Variants in ANKRD30A observed in about 807,000 individuals in gnomAD.
ANKRD30A encodes the protein ankyrin repeat domain 30A, also known as ankyrin repeat domain-containing protein 30A.
In ANKRD30A, 170 loss-of-function variants were observed where a neutral mutation model predicts 166.3. The observed-to-expected ratio is 1.02, with a 90% CI of 0.90 to 1.16. The LOEUF (loss-of-function observed/expected upper bound fraction) is 1.16. ANKRD30A is among the 50% of genes most tolerant of loss of function. ANKRD30A has a pLI of 0.00. For synonymous variants in ANKRD30A, 564 were observed against 508.9 expected (o/e 1.11, Z -1.46); for missense variants, 1,630 against 1,518.0 (o/e 1.07, Z -1.23).
At chr10:37,127,280 G>C (rs1448877994) in intron 1 of ANKRD30A, among the ~76,000 whole-genome samples, 3 of 151,818 alleles carry the variant, frequency 2.0e-5, no homozygotes, top group Non-Finnish European at 2.9e-5. Flanking sequence ...CACAAAATAA[G>C]TTCCTGATGG....
At chr10:37,202,130 G>A (rs182947419) in intron 31 of ANKRD30A, among the ~76,000 whole-genome samples, 39 of 152,136 alleles carry the variant, frequency 2.6e-4, no homozygotes, top group African/African-American at 7.2e-4. Context: ...TAGAAGGTCA[G>A]GACAGAAAAG....
rs869026268 is a variant in ANKRD30A at position 37,142,570 on chromosome 10, C to CTTTTT, written c.1393+306_1393+310dup. ...GGTACAGGGATATCATAGGATCACA[C>CTTTTT]TTTTTTTTTTTTTTTTTTTTTTTTT... On this transcript the variant is annotated intron_variant, in intron 7 of 35. Coordinates refer to ENST00000361713, the MANE Select transcript of ANKRD30A (RefSeq NM_052997.3). Among the ~76,000 whole-genome samples the CTTTTT allele has an allele frequency of 3.4e-4, 27 of 78,970 alleles. 3 individuals carry two copies. The highest frequency in any genetic ancestry group is 7.9e-4 in the Admixed American group (5 of 6,294). 51.8% of individuals were successfully genotyped at this position (78,970 alleles called of 152,430 possible).
intron 9 of ANKRD30A, among the ~76,000 whole-genome samples, chr10:37,147,902 T>C (rs371825928): frequency 9.3e-3 from 1,018 of 109,464 alleles, no homozygotes; most frequent in South Asian, 0.013. Context: ...GTCCGAAAAT[T>C]ATAGCTAAAG....
downstream of ANKRD30A, chr10:37,232,675 T>C (rs1386103321): frequency 1.4e-4 from 1 of 7,154 alleles, no homozygotes; most frequent in Non-Finnish European, 8.3e-4. Context: ...TATATATATA[T>C]ATATATATAT....
At chr10:37,220,911 A>C (rs934431786) in intron 34 of ANKRD30A, among the ~76,000 whole-genome samples, 1 of 151,244 alleles carries the variant, frequency 6.6e-6, no homozygotes, top group African/African-American at 2.4e-5. Flanking sequence ...TTATTCTGAG[A>C]TAGAAATCTA....
At position 37,125,670 on chromosome 10, in the gene ANKRD30A, G is replaced by T; in HGVS notation, c.-118G>T. ...GCTTGGCGAACACAGAACTTTTTAC[G>T]GGTATCGAGGCGGTGCGTGGACTGA... is the stretch of plus-strand genomic sequence containing the variant. On this transcript the variant is annotated 5_prime_UTR_variant, in exon 1 of 36. Transcript: ENST00000361713. The T allele has an allele frequency of 2.3e-6, 1 of 435,928 alleles. No individual in the cohort carries two copies. Among genetic ancestry groups the T allele is most frequent in the Non-Finnish European group, 4.3e-6 (1 of 235,146 alleles). The allele number at this position is 435,928 out of a possible 1,614,324, so 27.0% of individuals were successfully genotyped here.
the ANKRD30A span, among the ~76,000 whole-genome samples, chr10:37,258,358 C>T: frequency 5.2e-4 from 79 of 151,972 alleles, no homozygotes; most frequent in Non-Finnish European, 7.6e-4. Flanking sequence ...AAGAACAGAG[C>T]TCAAGAATGT....
chr10:37,216,041 T>C, intron 31 of ANKRD30A, 140 bp from the exon 32 acceptor site: 1 of 443,894 alleles, frequency 2.3e-6, no homozygotes, highest in South Asian at 6.8e-5. Context: ...CTGTTTAATC[T>C]GCAGAGCTTA....
intron 25 of ANKRD30A, among the ~76,000 whole-genome samples, chr10:37,191,165 CT>C (rs71531278): frequency 0.041 from 6,200 of 151,724 alleles, 212 homozygotes; most frequent in Non-Finnish European, 0.066. Flanking sequence ...TTTGCTATTC[CT>C]TGATGAGATT....
chr10:37,129,907 G>T lies in ANKRD30A; in HGVS notation c.236G>T (p.Trp79Leu). Residue 79 changes from tryptophan (W) to leucine (L), a missense_variant, in exon 2 of 36, where the codon TGG becomes TTG. By Grantham distance (61) the Trp-to-Leu change is moderately conservative. This residue lies in a region of ANKRD30A where 904 missense variants were observed against 818.5 expected (regional missense o/e 1.10). Transcript: ENST00000361713. The stretch of plus-strand genomic sequence containing the variant: ...CACTCTCGTAGGACTGCTCTACACT[G>T]GGCCTGTGTCAATGGCCATGAGGAA... ...QDAQKRTALH[W>L]ACVNGHEEVV... 6.4e-7 allele frequency: 1 copy of T among 1,553,974 alleles called. No individual in the cohort carries two copies. Among genetic ancestry groups the T allele is most frequent in the Non-Finnish European group, 8.7e-7 (1 of 1,146,740 alleles).
chr10:37,154,954 A>T (rs1159968175), intron 13 of ANKRD30A, among the ~76,000 whole-genome samples: 4 of 152,318 alleles, frequency 2.6e-5, no homozygotes, highest in African/African-American at 9.6e-5. Flanking sequence ...GTTGATATTC[A>T]CAATTTGAAT....
rs1205658239 is a variant in ANKRD30A at position 37,162,533 on chromosome 10, A to G, written c.1901-116A>G. On this transcript the variant is annotated intron_variant, in intron 15 of 35. Coordinates refer to ENST00000361713, the MANE Select transcript of ANKRD30A (RefSeq NM_052997.3). The stretch of plus-strand genomic sequence containing the variant: ...CCAAAAGAAAACTTTCCAAATCTAA[A>G]GTATTCATTCTCCAATTGGAGCAAG... 4 of 1,354,328 alleles carry G rather than the reference A, an allele frequency of 3.0e-6. No individual in the cohort carries two copies. The Admixed American group carries it at 5.3e-5, about 18-fold the overall frequency. The allele number at this position is 1,354,328 out of a possible 1,614,324, so 83.9% of individuals were successfully genotyped here.
chr10:37,165,771 A>T (rs1009190552), intron 18 of ANKRD30A, among the ~76,000 whole-genome samples: 2 of 152,118 alleles, frequency 1.3e-5, no homozygotes, highest in African/African-American at 4.8e-5. Flanking sequence ...GAGTCCCCTT[A>T]TGGCAGTCAA....
rs1377585178 is a variant in ANKRD30A at position 37,125,899 on chromosome 10, G to C, written c.112G>C (p.Asp38His). Reference sequence around the variant, plus strand: ...CGACTCCTACATCGTCCACTCTGGGGATCTTAGAAAGATCCATAAAGCTGC... The same window carrying C: ...CGACTCCTACATCGTCCACTCTGGGCATCTTAGAAAGATCCATAAAGCTGC... ...SNDSYIVHSG[D>H]LRKIHKAASR... Residue 38 changes from aspartate (D) to histidine (H), a missense_variant, in exon 1 of 36, where the codon GAT (aspartate) becomes CAT (histidine). Transcript: ENST00000361713. 2.5e-6 allele frequency: 4 copies of C among 1,589,148 alleles called. No homozygotes were observed. The African/African-American group carries it at 5.4e-5, about 21-fold the overall frequency.
chr10:37,221,044 ATTTT>A (rs35150938), intron 34 of ANKRD30A, among the ~76,000 whole-genome samples: 1 of 131,000 alleles, frequency 7.6e-6, no homozygotes, highest in Non-Finnish European at 1.6e-5. Flanking sequence ...TCCTTCCCAC[ATTTT>A]TTTTTTTTTT....
At position 37,194,605 on chromosome 10, in the gene ANKRD30A, A is replaced by G. The variant is rs377763302; in HGVS notation, c.2614+1347A>G. ...TGTGATGCGCCCGTCTCGGCCTCCC[A>G]AAGTACTGGAATTACAGGCGTGAGG... On this transcript the variant is annotated intron_variant, in intron 27 of 35. Coordinates refer to ENST00000361713, the MANE Select transcript of ANKRD30A (RefSeq NM_052997.3). Among the ~76,000 whole-genome samples, 58 of 152,208 alleles carry G rather than the reference A, an allele frequency of 3.8e-4. 2 individuals carry two copies. In the South Asian group the frequency reaches 0.011, roughly 29 times the overall value.
At chr10:37,135,275 A>T (rs1836613375) in intron 5 of ANKRD30A, 1 of 152,168 alleles carries the variant, frequency 6.6e-6, no homozygotes, top group Non-Finnish European at 1.5e-5. Context: ...AATTGAAACA[A>T]TGTTGAGAAG....
Position 37,223,223 on chromosome 10 carries a change from G to A in ANKRD30A, c.4185+3326G>A, listed in dbSNP as rs150282661. ...TCTCCTCAGTTTACAGTGGCATTAC[G>A]TCTTGATAAACCCATTATAAGTTGA... On this transcript the variant is annotated intron_variant, in intron 34 of 35. Coordinates refer to ENST00000361713, the MANE Select transcript of ANKRD30A (RefSeq NM_052997.3). Among the ~76,000 whole-genome samples the A allele has an allele frequency of 1.3e-3, 196 of 150,972 alleles. 1 individual carries two copies. Among genetic ancestry groups the A allele is most frequent in the African/African-American group, 3.8e-3 (157 of 41,324 alleles).
intron 24 of ANKRD30A, among the ~76,000 whole-genome samples, chr10:37,183,511 T>C (rs1332586617): frequency 6.8e-6 from 1 of 146,832 alleles, no homozygotes; most frequent in African/African-American, 2.5e-5. Context: ...TTTTCTTTTT[T>C]AAAAAGATAT....
Sources: gnomAD v4.1 joint callset for allele counts (sites outside exome capture counted in the v4.1 genomes callset) on GRCh38, gnomAD v4.1.1 for gene constraint, gnomAD v4.1.1 regional missense constraint, MANE v1.5 for transcripts, NCBI Gene and HGNC (gene_info 2026-07-23, HGNC 2026-07-21) for gene names.